The following NDE1 variants were observed in gnomAD, a reference collection of about 807,000 sequenced individuals.
The protein encoded by NDE1 is nudE neurodevelopment protein 1, also known as nuclear distribution protein nudE homolog 1.
Under a neutral mutation model 43.4 loss-of-function variants are expected in NDE1, and 28 were observed. The ratio of observed to expected loss-of-function variants is 0.65; its 90% confidence interval spans 0.48 to 0.89. The LOEUF is 0.89. Among genes scored for constraint, NDE1 ranks in the 40% least tolerant of loss-of-function variants. NDE1 has a pLI of 0.00. For missense variants in NDE1, 441 were observed against 434.1 expected, an observed-to-expected ratio of 1.02 and a Z score of -0.14; for synonymous variants, 184 against 172.0, an observed-to-expected ratio of 1.07 and a Z score of -0.55.
intron 8 of NDE1, chr16:15,719,833 C>A: frequency 7.1e-7 from 1 of 1,410,702 alleles, no homozygotes; most frequent in East Asian, 2.3e-5. Context: ...AAGAAGTTCC[C>A]ATTGCACGAG....
intron 4 of NDE1, among the ~76,000 whole-genome samples, chr16:15,680,792 A>G (rs1307433606): frequency 6.6e-6 from 1 of 152,132 alleles, no homozygotes; most frequent in East Asian, 1.9e-4. Flanking sequence ...CACCTGCCTC[A>G]GATTCCCAAA....
At chr16:15,721,856 GT>G (rs751413165) in intron 8 of NDE1, among the ~76,000 whole-genome samples, 1 of 151,704 alleles carries the variant, frequency 6.6e-6, no homozygotes, top group Non-Finnish European at 1.5e-5. Context: ...TTTTTTGTTG[GT>G]TTGTGTGTTT....
chr16:15,669,547 A>C (rs1675780421), intron 3 of NDE1, among the ~76,000 whole-genome samples: 1 of 151,524 alleles, frequency 6.6e-6, no homozygotes, highest in South Asian at 2.1e-4. Context: ...TTTTTAGTAG[A>C]GATGGGGTTT....
intron 1 of NDE1, among the ~76,000 whole-genome samples, chr16:15,662,676 A>G (rs1216355301): frequency 6.6e-6 from 1 of 152,098 alleles, no homozygotes; most frequent in Non-Finnish European, 1.5e-5. Context: ...TCCTGTGCTC[A>G]GGTGATCCTC....
rs780330442 is a variant in NDE1 at position 15,691,164 on chromosome 16, G to A, written c.544G>A (p.Val182Met). Residue 182 changes from valine (V) to methionine (M), a missense_variant, in exon 6 of 9, where the codon GTG becomes ATG. Val to Met is a conservative substitution (Grantham distance 21, BLOSUM62 1). Coordinates refer to ENST00000396354, the MANE Select transcript of NDE1 (RefSeq NM_017668.3). Reference protein sequence around the residue: ...EARDLRQELAVQQKQEKPRTP... With the variant: ...EARDLRQELAMQQKQEKPRTP... ...CACAGATTTGCGGCAGGAACTGGCC[G>A]TGCAGCAGAAGCAGGAGAAACCCAG... 1.7e-5 allele frequency: 27 copies of A among 1,613,932 alleles called. No individual in the cohort carries two copies. The highest frequency in any genetic ancestry group is 3.3e-5 in the Admixed American group (2 of 59,968).
chr16:15,724,085 A>G, intron 8 of NDE1, 106 bp from the exon 9 acceptor site: 4 of 1,603,566 alleles, frequency 2.5e-6, no homozygotes, highest in Non-Finnish European at 3.4e-6. Flanking sequence ...GGCCAGAGCC[A>G]CGCGTCATAC....
intron 3 of NDE1, among the ~76,000 whole-genome samples, chr16:15,672,166 G>A (rs1265822193): frequency 2.0e-5 from 3 of 152,194 alleles, no homozygotes; most frequent in African/African-American, 7.2e-5. Context: ...CTGGCGTGGT[G>A]GCTGATGCCT....
chr16:15,719,554 CTG>C (rs2040354649), intron 8 of NDE1: 1 of 1,613,306 alleles, frequency 6.2e-7, no homozygotes, highest in South Asian at 1.1e-5. Context: ...ACACCCGCAT[CTG>C]AGGCTCTCCT....
Position 15,664,772 on chromosome 16 carries a change from T to C in NDE1, c.-7T>C. On this transcript the variant is annotated 5_prime_UTR_variant, in exon 2 of 9. Transcript: ENST00000396354. Reference sequence around the variant, plus strand: ...CAAGGAGAGTGATCTCTTCCCCTGTTTTCACAATGGAGGACTCCGGAAAGA... The same window carrying C: ...CAAGGAGAGTGATCTCTTCCCCTGTCTTCACAATGGAGGACTCCGGAAAGA... 6.2e-7 allele frequency: 1 copy of C among 1,606,696 alleles called. No individual in the cohort carries two copies. The highest frequency in any genetic ancestry group is 8.5e-7 in the Non-Finnish European group (1 of 1,173,270).
At chr16:15,700,187 C>G (rs1052443573) in intron 8 of NDE1, 1 of 869,372 alleles carries the variant, frequency 1.2e-6, no homozygotes, top group African/African-American at 1.8e-5. Context: ...ACCTCCGCCT[C>G]CTGGGTTCAA....
At chr16:15,718,088 C>T (rs112757995) in intron 8 of NDE1, 1,297 of 669,988 alleles carry the variant, frequency 1.9e-3, no homozygotes, top group Non-Finnish European at 2.4e-3. Flanking sequence ...CCAGCCACGC[C>T]GTGGCTGGAA....
chr16:15,665,596 A>C (rs1415950348), intron 2 of NDE1, among the ~76,000 whole-genome samples: 2 of 151,070 alleles, frequency 1.3e-5, no homozygotes, highest in Non-Finnish European at 2.9e-5. Flanking sequence ...GGCACCCACC[A>C]CCACGCCTGG....
chr16:15,660,262 G>C (rs147826770), intron 1 of NDE1, among the ~76,000 whole-genome samples: 2,233 of 151,902 alleles, frequency 0.015, 56 homozygotes, highest in African/African-American at 0.051. Context: ...AGGATCGCTT[G>C]AGCCCAGGAA....
intron 8 of NDE1, chr16:15,718,162 G>T: frequency 2.5e-6 from 3 of 1,201,256 alleles, no homozygotes; most frequent in Non-Finnish European, 2.4e-6. Context: ...TGGTGTAAGG[G>T]CCCTGGATCT....
intron 8 of NDE1, chr16:15,708,831 G>T (rs200884440): frequency 3.7e-6 from 6 of 1,610,138 alleles, no homozygotes; most frequent in South Asian, 2.2e-5. Flanking sequence ...GTTTCCTGTG[G>T]GGGGGGCCCT....
At chr16:15,655,031 T>C (rs2036691709) in intron 1 of NDE1, among the ~76,000 whole-genome samples, 3 of 152,054 alleles carry the variant, frequency 2.0e-5, no homozygotes, top group Non-Finnish European at 4.4e-5. Context: ...TATTTATTTA[T>C]TTTTTGAGAC....
chr16:15,662,275 CTTTTCTTTTTTTTTT>C (rs1418945407), intron 1 of NDE1, among the ~76,000 whole-genome samples: 3 of 144,704 alleles, frequency 2.1e-5, no homozygotes, highest in African/African-American at 7.6e-5. Flanking sequence ...GTTCCTTTCT[CTTTTCTTTTTTTTTT>C]TTTTTTTTTT....
chr16:15,688,506 G>T (rs1019083143), intron 5 of NDE1, among the ~76,000 whole-genome samples: 1 of 151,110 alleles, frequency 6.6e-6, no homozygotes, highest in Non-Finnish European at 1.5e-5. Flanking sequence ...GGTGGTGGGT[G>T]CCTGCAATCC....
rs1027146763 is a variant in NDE1, at chr16:15,664,050, T to C, written c.-43-686T>C. Among the ~76,000 whole-genome samples the C allele has an allele frequency of 4.6e-5, 7 of 152,164 alleles. No individual in the cohort carries two copies. In the East Asian group the frequency reaches 9.7e-4, roughly 21 times the overall value. ...CGCCACTGCACTCCAGCCTGGGTGA[T>C]AGAGCAAGAGTCTGTCTCAAATAAT... On this transcript the variant is annotated intron_variant, in intron 1 of 8. Transcript: ENST00000396354.
Sources: allele counts gnomAD v4.1 joint callset (sites outside exome capture counted in the v4.1 genomes callset), GRCh38; gene constraint gnomAD v4.1.1; transcripts MANE v1.5; gene names NCBI Gene and HGNC (gene_info 2026-07-23, HGNC 2026-07-21).